Variants in TRAPPC9 observed in about 807,000 individuals in gnomAD.
The protein encoded by TRAPPC9 is trafficking protein particle complex subunit 9, also known as IKK2 binding protein.
Under a neutral mutation model 124.0 loss-of-function variants are expected in TRAPPC9, and 83 were observed. The ratio of observed to expected loss-of-function variants is 0.67; its 90% CI spans 0.56 to 0.80. TRAPPC9 has a LOEUF of 0.80. TRAPPC9 is among the 30% of genes least tolerant of loss of function. The pLI, the probability that TRAPPC9 is intolerant of heterozygous loss-of-function variation, is 0.00. For synonymous variants in TRAPPC9, 638 were observed against 617.5 expected (o/e 1.03, Z -0.49); for missense variants, 1,302 against 1,508.3 (o/e 0.86, Z 2.27).
At position 140,275,769 on chromosome 8, in the gene TRAPPC9, A is replaced by G; in HGVS notation, c.2167T>C (p.Ser723Pro). 6.2e-7 allele frequency: 1 copy of G among 1,613,514 alleles called. No individual in the cohort carries two copies. The highest frequency in any genetic ancestry group is 8.5e-7 in the Non-Finnish European group (1 of 1,179,424). Residue 723 changes from serine to proline, a missense_variant, in exon 15 of 23, where the codon TCT (serine) becomes CCT (proline). By Grantham distance (74) the Ser-to-Pro change is moderately conservative. Transcript: ENST00000438773. ...SSGDEISTNV[S>P]VQLYNGESQQ... is the part of the protein sequence containing the mutation. The stretch of plus-strand genomic sequence containing the variant: ...CTTTCTCCATTGTAAAGCTGGACAG[A>G]TACATTAGTAGATATTTCATCACCA...
chr8:139,879,303 C>T (rs76270525), intron 21 of TRAPPC9, among the ~76,000 whole-genome samples: 2,094 of 152,254 alleles, frequency 0.014, 46 homozygotes, highest in African/African-American at 0.046. Flanking sequence ...TTCCACTGCG[C>T]GGGATGGGAG....
rs541673199 is a variant in TRAPPC9 at position 140,277,583 on chromosome 8, C to A, written c.2115-1762G>T. ...AACGCTTCACCTGGCAGTCACAGGG[C>A]CTGGGCCTAACACAGGCCCTGACGG... On this transcript the variant is annotated intron_variant, in intron 14 of 22. Transcript: ENST00000438773. Among the ~76,000 whole-genome samples the A allele has an allele frequency of 8.5e-5, 13 of 152,382 alleles. No individual in the cohort carries two copies. The South Asian group carries it at 2.1e-3, about 24-fold the overall frequency.
At position 140,252,629 on chromosome 8, in the gene TRAPPC9, A is replaced by T. The variant is rs965443637; in HGVS notation, c.2431+148T>A. ...GACACATACAGTAACACACTCTGTT[A>T]ACAAAGTGCCCAGGAGATGTCTCAG... On this transcript the variant is annotated intron_variant, in intron 16 of 22. Transcript: ENST00000438773. This position sits in a 1 kb window ranked among gnomAD's most constrained non-coding sequence, Gnocchi z 4.2. The T allele has an allele frequency of 1.2e-6, 1 of 843,068 alleles. No homozygotes were observed. Among genetic ancestry groups the T allele is most frequent in the Non-Finnish European group, 1.9e-6 (1 of 516,064 alleles). 52.2% of individuals were successfully genotyped at this position (843,068 alleles called of 1,614,324 possible).
chr8:139,904,629 TGA>T (rs1406058426), intron 20 of TRAPPC9: 1 of 152,260 alleles, frequency 6.6e-6, no homozygotes, highest in Non-Finnish European at 1.5e-5. Context: ...GGTGAGTTAT[TGA>T]ACTTCCAAAA....
intron 17 of TRAPPC9, among the ~76,000 whole-genome samples, chr8:140,064,375 CAG>C (rs1282765687): frequency 1.3e-5 from 2 of 152,062 alleles, no homozygotes; most frequent in African/African-American, 4.8e-5. Flanking sequence ...GAAGCGGAAA[CAG>C]AAAAGCACAG....
intron 21 of TRAPPC9, among the ~76,000 whole-genome samples, chr8:139,789,456 T>C (rs974064897): frequency 6.6e-6 from 1 of 152,192 alleles, no homozygotes; most frequent in South Asian, 2.1e-4. Flanking sequence ...CATGCCTGTT[T>C]AGATGTGGCC....
At chr8:139,871,209 C>T (rs1297041928) in intron 21 of TRAPPC9, among the ~76,000 whole-genome samples, 1 of 152,150 alleles carries the variant, frequency 6.6e-6, no homozygotes, top group African/African-American at 2.4e-5. Context: ...GGTGCCTTCG[C>T]TCTGTGGCTG....
chr8:140,453,757 A>G (rs868608589), intron 1 of TRAPPC9, among the ~76,000 whole-genome samples: 11 of 152,252 alleles, frequency 7.2e-5, no homozygotes, highest in African/African-American at 2.4e-4. Context: ...ACGATTCCCT[A>G]AAGAGTCTTT....
chr8:140,131,883 A>T (rs1288795967), intron 17 of TRAPPC9, among the ~76,000 whole-genome samples: 1 of 152,224 alleles, frequency 6.6e-6, no homozygotes, highest in African/African-American at 2.4e-5. Context: ...CCAGCCTCAC[A>T]TCCTAGAAGG....
intron 9 of TRAPPC9, among the ~76,000 whole-genome samples, chr8:140,329,733 A>AT (rs1436305420): frequency 6.6e-6 from 1 of 152,148 alleles, no homozygotes. Flanking sequence ...AGGCTTGGAA[A>AT]GGTCATGTTA....
At chr8:139,857,800 T>G (rs1827893560) in intron 21 of TRAPPC9, among the ~76,000 whole-genome samples, 1 of 152,220 alleles carries the variant, frequency 6.6e-6, no homozygotes, top group African/African-American at 2.4e-5. Context: ...AGAGAGCAAC[T>G]AGCCCCAAAA....
intron 17 of TRAPPC9, chr8:140,099,886 C>G (rs1563761156): frequency 1.3e-5 from 2 of 151,798 alleles, no homozygotes; most frequent in African/African-American, 2.4e-5. Flanking sequence ...TGCAGGAGTG[C>G]CACAATCCTC....
At chr8:140,316,952 T>C (rs1168216346) in intron 9 of TRAPPC9, among the ~76,000 whole-genome samples, 3 of 152,202 alleles carry the variant, frequency 2.0e-5, no homozygotes, top group African/African-American at 4.8e-5. Flanking sequence ...TCTTGGCAGA[T>C]TGTATGTGTC....
chr8:139,803,318 C>T (rs1284959060), intron 21 of TRAPPC9, among the ~76,000 whole-genome samples: 1 of 152,218 alleles, frequency 6.6e-6, no homozygotes, highest in African/African-American at 2.4e-5. Flanking sequence ...TCTAGAGCGG[C>T]GAGTCCTGCA....
intron 17 of TRAPPC9, among the ~76,000 whole-genome samples, chr8:140,030,159 A>G (rs935788373): frequency 1.3e-5 from 2 of 152,206 alleles, no homozygotes; most frequent in Non-Finnish European, 2.9e-5. Flanking sequence ...AAATGCACTC[A>G]TGAAAAACCT....
At chr8:139,985,598 G>T (rs1009817672) in intron 19 of TRAPPC9, among the ~76,000 whole-genome samples, 1 of 152,064 alleles carries the variant, frequency 6.6e-6, no homozygotes, top group African/African-American at 2.4e-5. Flanking sequence ...CTTTCCAAGG[G>T]ATCTTGGGAA....
intron 21 of TRAPPC9, among the ~76,000 whole-genome samples, chr8:139,789,715 T>C (rs1026984078): frequency 7.2e-5 from 11 of 152,148 alleles, no homozygotes; most frequent in African/African-American, 2.7e-4. Flanking sequence ...TAAGTACACC[T>C]GTGACGCCGG....
At chr8:140,337,064 T>C (rs2067062685) in intron 9 of TRAPPC9, among the ~76,000 whole-genome samples, 1 of 152,082 alleles carries the variant, frequency 6.6e-6, no homozygotes, top group Non-Finnish European at 1.5e-5. Context: ...AACCACTGAG[T>C]AAGTGTCCTT....
intron 1 of TRAPPC9, chr8:140,456,941 G>A: frequency 1.9e-6 from 1 of 519,822 alleles, no homozygotes. Flanking sequence ...AGGGGATTGG[G>A]GTGGGCTGAC....
Sources: allele counts gnomAD v4.1 joint callset (sites outside exome capture counted in the v4.1 genomes callset), GRCh38; gene constraint gnomAD v4.1.1; non-coding constraint Gnocchi (gnomAD v3.1); transcripts MANE v1.5; gene names NCBI Gene and HGNC (gene_info 2026-07-23, HGNC 2026-07-21).